SEPTIN7: variants seen among roughly 807,000 people sequenced by gnomAD.
SEPTIN7 encodes septin-7.
In SEPTIN7, 10 loss-of-function variants were observed where a neutral mutation model predicts 63.3. The observed-to-expected ratio is 0.16, with a 90% CI of 0.10 to 0.27. The LOEUF is 0.27. SEPTIN7 is among the 10% of genes least tolerant of loss of function. The pLI, the probability that SEPTIN7 is intolerant of heterozygous loss-of-function variation, is 1.00. For synonymous variants in SEPTIN7, 131 were observed against 165.3 expected (o/e 0.79, Z 1.59); for missense variants, 310 against 521.0 (o/e 0.59, Z 3.94).
intron 3 of SEPTIN7, among the ~76,000 whole-genome samples, chr7:35,837,812 A>C (rs560198062): frequency 6.6e-6 from 1 of 151,738 alleles, no homozygotes; most frequent in Admixed American, 6.6e-5. Context: ...GTCCACTGCA[A>C]CCTCCACCTC....
At chr7:35,877,393 T>C (rs987856616) in intron 6 of SEPTIN7, among the ~76,000 whole-genome samples, 1 of 152,194 alleles carries the variant, frequency 6.6e-6, no homozygotes, top group Non-Finnish European at 1.5e-5. Flanking sequence ...CAGTAATCTT[T>C]GTTAGTAAAA....
chr7:35,810,975 G>A (rs1042135535), intron 1 of SEPTIN7, among the ~76,000 whole-genome samples: 8 of 151,598 alleles, frequency 5.3e-5, no homozygotes, highest in African/African-American at 1.9e-4. Flanking sequence ...CACCATGTTG[G>A]CCAGACTGGT....
chr7:35,845,839 T>TA (rs1177336786), intron 3 of SEPTIN7, among the ~76,000 whole-genome samples: 3 of 152,148 alleles, frequency 2.0e-5, no homozygotes, highest in Non-Finnish European at 2.9e-5. Context: ...TAATAAACTT[T>TA]AAAAAAAGTT....
chr7:35,855,268 C>T (rs1785149823), intron 3 of SEPTIN7, among the ~76,000 whole-genome samples: 1 of 152,076 alleles, frequency 6.6e-6, no homozygotes, highest in African/African-American at 2.4e-5. Context: ...ATGTGGTATT[C>T]TGTAATATCT....
intron 6 of SEPTIN7, among the ~76,000 whole-genome samples, chr7:35,877,369 CAGTAA>C: frequency 6.6e-6 from 1 of 152,120 alleles, no homozygotes; most frequent in East Asian, 1.9e-4. Context: ...CTTACTACTA[CAGTAA>C]AGTATATACA....
At chr7:35,835,590 C>T (rs2115913821) in intron 3 of SEPTIN7, among the ~76,000 whole-genome samples, 1 of 152,238 alleles carries the variant, frequency 6.6e-6, no homozygotes, top group East Asian at 1.9e-4. Context: ...TCTGGGGATA[C>T]TGGGTATAGT....
chr7:35,834,159 C>A (rs1783968407), intron 3 of SEPTIN7, among the ~76,000 whole-genome samples: 1 of 151,804 alleles, frequency 6.6e-6, no homozygotes, highest in East Asian at 1.9e-4. Context: ...CTGTATCTTA[C>A]CTTTACATAT....
chr7:35,885,838 T>A lies in SEPTIN7; in HGVS notation c.831T>A (p.Gly277=). 1 of 1,605,386 alleles carries A rather than the reference T, an allele frequency of 6.2e-7. No homozygotes were observed. Among genetic ancestry groups the A allele is most frequent in the South Asian group, 1.1e-5 (1 of 90,222 alleles). ...GCTTTTTTCTTACAGTTGAAAATGG[T>A]GAACATTGTGATTTTACAATCCTAA... The part of the protein sequence containing the change: ...YPWGVAEVEN[G]EHCDFTILRN... The change falls in exon 10 of 14, where the codon GGT becomes GGA. Residue 277 remains glycine (G), a synonymous_variant. Coordinates refer to ENST00000350320, the MANE Select transcript of SEPTIN7 (RefSeq NM_001788.6).
intron 1 of SEPTIN7, among the ~76,000 whole-genome samples, chr7:35,829,223 C>A (rs771792329): frequency 6.7e-6 from 1 of 148,874 alleles, no homozygotes; most frequent in Non-Finnish European, 1.5e-5. Flanking sequence ...GCAGCTTCCA[C>A]CCCCTAGGCA....
rs1302453270 is a variant in SEPTIN7, at chr7:35,815,072, TGTTCA to T, written c.61+13806_61+13810del. 4 of 330,042 alleles carry T rather than the reference TGTTCA, an allele frequency of 1.2e-5. No homozygotes were observed. The East Asian group carries it at 4.3e-4, about 35-fold the overall frequency. 20.4% of individuals were successfully genotyped at this position (330,042 alleles called of 1,614,324 possible). On this transcript the variant is annotated intron_variant, in intron 1 of 13. Coordinates refer to ENST00000350320, the MANE Select transcript of SEPTIN7 (RefSeq NM_001788.6). ...TCGGTTATATATTAATTTTTTTCAT[TGTTCA>T]GTTGTCCATTGATAGACCTTTCAGG... is the stretch of plus-strand genomic sequence containing the variant.
At chr7:35,881,415 C>T (rs1226143088) in intron 7 of SEPTIN7, among the ~76,000 whole-genome samples, 5 of 151,782 alleles carry the variant, frequency 3.3e-5, no homozygotes, top group Non-Finnish European at 7.4e-5. Context: ...AATATACAAC[C>T]TCTGACTAAA....
In SEPTIN7 at chr7:35,801,355, A is replaced by G. The variant is rs1787952373; in HGVS notation, c.61+85A>G. On this transcript the variant is annotated intron_variant, in intron 1 of 13. Transcript: ENST00000350320. ...CTGCGGCCGCTGGACCGAGCTAGGG[A>G]ACGCCCTGAGGCGAGGCGGAGGCAG... 4.1e-6 allele frequency: 6 copies of G among 1,478,172 alleles called. No homozygotes were observed. In the South Asian group the frequency reaches 7.8e-5, roughly 19 times the overall value. The allele number at this position is 1,478,172 out of a possible 1,614,324, so 91.6% of individuals were successfully genotyped here. A position where few individuals can be genotyped will look rare whatever the true frequency, so the allele number is the denominator to read the frequency against.
At chr7:35,824,799 CTAACTT>C (rs1783416705) in intron 1 of SEPTIN7, among the ~76,000 whole-genome samples, 1 of 152,100 alleles carries the variant, frequency 6.6e-6, no homozygotes, top group South Asian at 2.1e-4. Context: ...ACAGGTGAAA[CTAACTT>C]TAGTTTTATA....
At chr7:35,914,714 G>A in the SEPTIN7 span, among the ~76,000 whole-genome samples, 9 of 149,744 alleles carry the variant, frequency 6.0e-5, no homozygotes, top group Non-Finnish European at 1.0e-4. Context: ...GTACACATAT[G>A]TATATATACA....
intron 3 of SEPTIN7, among the ~76,000 whole-genome samples, chr7:35,851,791 A>G (rs185648797): frequency 7.2e-5 from 11 of 152,270 alleles, no homozygotes; most frequent in Non-Finnish European, 1.6e-4. Flanking sequence ...TTTGTCTTGT[A>G]ATTATAGGCC....
At chr7:35,903,697 A>G (rs757562938) in intron 13 of SEPTIN7, among the ~76,000 whole-genome samples, 1 of 152,218 alleles carries the variant, frequency 6.6e-6, no homozygotes, top group Non-Finnish European at 1.5e-5. Context: ...TAATTTATAC[A>G]AAATTCAATA....
intron 1 of SEPTIN7, among the ~76,000 whole-genome samples, chr7:35,810,892 G>A (rs1263983158): frequency 2.6e-5 from 4 of 151,508 alleles, no homozygotes; most frequent in East Asian, 1.9e-4. Flanking sequence ...TCAGCCTCCC[G>A]AGTAGCTGGG....
intron 3 of SEPTIN7, among the ~76,000 whole-genome samples, chr7:35,858,133 C>G (rs1042540227): frequency 1.3e-5 from 2 of 151,778 alleles, no homozygotes; most frequent in African/African-American, 4.8e-5. Flanking sequence ...TTAATAGAGA[C>G]AGGGTTTTGC....
At chr7:35,808,407 G>A (rs759159118) in intron 1 of SEPTIN7, among the ~76,000 whole-genome samples, 6 of 152,052 alleles carry the variant, frequency 3.9e-5, no homozygotes, top group Non-Finnish European at 2.9e-5. Flanking sequence ...GGGTTATTCC[G>A]TATCAGTACA....
Sources: allele counts gnomAD v4.1 joint callset (sites outside exome capture counted in the v4.1 genomes callset), GRCh38; gene constraint gnomAD v4.1.1; transcripts MANE v1.5; gene names NCBI Gene and HGNC (gene_info 2026-07-23, HGNC 2026-07-21).